The following COBL variants were observed in gnomAD, a reference collection of about 807,000 sequenced individuals.
COBL encodes protein cordon-bleu.
In COBL, 51 loss-of-function variants were observed where a neutral mutation model predicts 98.8. The ratio of observed to expected loss-of-function variants is 0.52; its 90% CI spans 0.41 to 0.65. COBL has a LOEUF of 0.65. Ranked by LOEUF, COBL falls within the 30% of genes least tolerant of loss-of-function variation. COBL has a pLI of 0.00. For missense variants in COBL, 1,617 were observed against 1,617.5 expected (o/e 1.00, Z 0.01); for synonymous variants, 634 against 651.7 (o/e 0.97, Z 0.41).
At chr7:51,017,615 A>G in intron 12 of COBL, 47 bp from the exon 13 acceptor site, 1 of 1,603,300 alleles carries the variant, frequency 6.2e-7, no homozygotes, top group Non-Finnish European at 8.5e-7. Flanking sequence ...CAATAAGCCC[A>G]GGATGCAGAT....
intron 1 of COBL, among the ~76,000 whole-genome samples, chr7:51,316,151 G>A (rs1803555982): frequency 6.6e-6 from 1 of 151,862 alleles, no homozygotes; most frequent in Non-Finnish European, 1.5e-5. Context: ...GCCGGGAGAG[G>A]GAAGACTTGA....
intron 7 of COBL, among the ~76,000 whole-genome samples, chr7:51,066,828 T>C (rs572492588): frequency 3.3e-5 from 5 of 152,258 alleles, no homozygotes; most frequent in East Asian, 1.9e-4. Context: ...GGCTAATAAA[T>C]AGCCAGATGG....
chr7:51,248,923 G>A (rs958061486), intron 1 of COBL, among the ~76,000 whole-genome samples: 4 of 151,996 alleles, frequency 2.6e-5, no homozygotes, highest in East Asian at 1.9e-4. Flanking sequence ...AATCTTTATC[G>A]TCTGAACAAA....
At chr7:51,024,984 C>T in intron 12 of COBL, 125 bp downstream of exon 12, 1 of 1,296,056 alleles carries the variant, frequency 7.7e-7, no homozygotes, top group African/African-American at 1.5e-5. Flanking sequence ...GACGCCGGCT[C>T]TCTCTCAACC....
intron 1 of COBL, among the ~76,000 whole-genome samples, chr7:51,288,943 G>A (rs1274194152): frequency 6.6e-6 from 1 of 152,136 alleles, no homozygotes; most frequent in Admixed American, 6.5e-5. Flanking sequence ...GAAGTCATCA[G>A]GGTTAAAACT....
chr7:51,298,178 G>C (rs1162842794), intron 1 of COBL, among the ~76,000 whole-genome samples: 1 of 152,232 alleles, frequency 6.6e-6, no homozygotes, highest in African/African-American at 2.4e-5. Flanking sequence ...ACATGGCAAA[G>C]AGCTGAGGCA....
intron 5 of COBL, chr7:51,172,419 A>G: frequency 3.2e-6 from 4 of 1,235,510 alleles, no homozygotes; most frequent in Non-Finnish European, 4.2e-6. Context: ...AGTTCCAAGC[A>G]ATTAGCGGAA....
At chr7:51,082,954 A>G (rs1167154729) in intron 7 of COBL, 1 of 1,031,088 alleles carries the variant, frequency 9.7e-7, no homozygotes. Flanking sequence ...AAAGGCACAC[A>G]CATCCAAAGA....
intron 1 of COBL, among the ~76,000 whole-genome samples, chr7:51,270,822 T>C (rs1798683623): frequency 6.7e-6 from 1 of 148,650 alleles, no homozygotes; most frequent in South Asian, 2.1e-4. Flanking sequence ...TTATTCGACT[T>C]AAAAAAAAAT....
intron 1 of COBL, among the ~76,000 whole-genome samples, chr7:51,286,033 T>C (rs1201568722): frequency 6.6e-6 from 1 of 152,172 alleles, no homozygotes; most frequent in Non-Finnish European, 1.5e-5. Flanking sequence ...TTGGATACCC[T>C]ATGCCAAAGA....
At chr7:51,140,367 G>C (rs1799621687) in intron 5 of COBL, among the ~76,000 whole-genome samples, 1 of 152,070 alleles carries the variant, frequency 6.6e-6, no homozygotes, top group Admixed American at 6.6e-5. Flanking sequence ...TAAAACATCA[G>C]TGATTTGACT....
At chr7:51,093,998 T>C (rs188917359) in intron 6 of COBL, among the ~76,000 whole-genome samples, 2 of 150,800 alleles carry the variant, frequency 1.3e-5, no homozygotes, top group Admixed American at 6.6e-5. Flanking sequence ...TATATATGTA[T>C]ATAAAACACA....
At chr7:51,315,767 G>C (rs906493640) in intron 1 of COBL, among the ~76,000 whole-genome samples, 1 of 151,948 alleles carries the variant, frequency 6.6e-6, no homozygotes, top group Non-Finnish European at 1.5e-5. Context: ...AGGGCTGCTC[G>C]TCCTGTTTGA....
At chr7:51,284,509 A>AT (rs112391774) in intron 1 of COBL, among the ~76,000 whole-genome samples, 4 of 151,782 alleles carry the variant, frequency 2.6e-5, no homozygotes, top group African/African-American at 9.7e-5. Context: ...AGAAATAAAA[A>AT]AAAAAAACTT....
Position 51,026,708 on chromosome 7 carries a change from G to T in COBL, c.3385-43C>A, listed in dbSNP as rs774015804. The T allele has an allele frequency of 5.7e-5, 91 of 1,599,366 alleles. 1 individual carries two copies. The Admixed American group carries it at 1.5e-3, about 26-fold the overall frequency. On this transcript the variant is annotated intron_variant, in intron 10 of 12. Transcript: ENST00000265136. ...TCACACATTTCACTGAGAACATGGA[G>T]AAATGTGAACTGTAATGCAGCTCAT...
At chr7:51,215,594 A>T (rs1380430115) in intron 2 of COBL, among the ~76,000 whole-genome samples, 1 of 152,202 alleles carries the variant, frequency 6.6e-6, no homozygotes. Flanking sequence ...CTTCGAATAG[A>T]AGCATAATCA....
intron 7 of COBL, among the ~76,000 whole-genome samples, chr7:51,052,777 T>C (rs984334114): frequency 5.3e-5 from 8 of 152,164 alleles, no homozygotes; most frequent in Admixed American, 5.2e-4. Flanking sequence ...CTAAGAAAAA[T>C]GCCATCCCTC....
intron 5 of COBL, among the ~76,000 whole-genome samples, chr7:51,150,269 T>C (rs1483689296): frequency 6.6e-6 from 1 of 152,206 alleles, no homozygotes; most frequent in Non-Finnish European, 1.5e-5. Context: ...GTCCAGTGTC[T>C]ACTGCTCTTA....
At position 51,065,143 on chromosome 7, in the gene COBL, A is replaced by G. The variant is rs1267911093; in HGVS notation, c.1096+20023T>C. On this transcript the variant is annotated intron_variant, in intron 7 of 12. Transcript: ENST00000265136. ...GATAGAAAAAAACAAGTGTTAGCTG[A>G]TTAGGGATTGTCTCCCAAATGCCAA... is the stretch of plus-strand genomic sequence containing the variant. 7.1e-6 allele frequency: 5 copies of G among 700,820 alleles called. No individual in the cohort carries two copies. In the African/African-American group the frequency reaches 8.7e-5, roughly 12 times the overall value. The allele number at this position is 700,820 out of a possible 1,614,324, so 43.4% of individuals were successfully genotyped here.
Sources: gnomAD v4.1 joint callset for allele counts (sites outside exome capture counted in the v4.1 genomes callset) on GRCh38, gnomAD v4.1.1 for gene constraint, MANE v1.5 for transcripts, NCBI Gene and HGNC (gene_info 2026-07-23, HGNC 2026-07-21) for gene names.